Variants in TRAPPC2L observed in about 807,000 individuals in gnomAD.
TRAPPC2L encodes the protein trafficking protein particle complex subunit 2L, also known as trafficking protein particle complex subunit 2-like protein.
TRAPPC2L carries 17 observed loss-of-function variants against 13.2 expected under a neutral mutation model. The observed-to-expected ratio is 1.29, with a 90% confidence interval of 0.88 to 1.93. The LOEUF (loss-of-function observed/expected upper bound fraction) is 1.93. Among genes scored for constraint, TRAPPC2L ranks in the 30% most tolerant of loss-of-function variants. The pLI is 0.00. For synonymous variants in TRAPPC2L, 150 were observed against 98.1 expected (o/e 1.53, Z -3.12); for missense variants, 359 against 252.1 (o/e 1.42, Z -2.87).
chr16:88,857,239 T>C (rs749889298), intron 1 of TRAPPC2L, 56 bp downstream of exon 1: 2 of 1,412,262 alleles, frequency 1.4e-6, no homozygotes, highest in Non-Finnish European at 1.9e-6. Flanking sequence ...CTCTCCGCTT[T>C]CTTTCTACTT....
chr16:88,860,691 C>T, exon 4 of TRAPPC2L: 3 of 613,422 alleles, frequency 4.9e-6, no homozygotes, highest in Non-Finnish European at 5.8e-6. Context: ...CCACCCCTTC[C>T]TGGGGCCTTG....
In TRAPPC2L at chr16:88,860,388, A is replaced by C. The variant is rs1041951726; in HGVS notation, c.*64A>C. The C allele has an allele frequency of 1.6e-5, 10 of 620,378 alleles. No individual in the cohort carries two copies. The African/African-American group carries it at 1.8e-4, about 11-fold the overall frequency. 38.4% of individuals were successfully genotyped at this position (620,378 alleles called of 1,614,324 possible). A position where few individuals can be genotyped will look rare whatever the true frequency, so the allele number is the denominator to read the frequency against. ...TGCAGGTGTCTTCCGAATAGTCCAC[A>C]AAGTAAACAGATTTAACTTTTGAAC... On this transcript the variant is annotated 3_prime_UTR_variant, in exon 4 of 4. Transcript: ENST00000565504.
At chr16:88,857,133 G>A (rs1435008398) in exon 1 of TRAPPC2L, 1 of 1,565,120 alleles carries the variant, frequency 6.4e-7, no homozygotes, top group Non-Finnish European at 8.6e-7. Context: ...CGCGGTGCCT[G>A]GCGCCGAGCC....
upstream of TRAPPC2L, chr16:88,856,785 G>C: frequency 1.3e-6 from 2 of 1,539,100 alleles, no homozygotes; most frequent in Non-Finnish European, 1.7e-6. Context: ...GCAGGATGTT[G>C]GGGGGCTGCG....
upstream of TRAPPC2L, chr16:88,856,312 G>C: frequency 1.4e-6 from 1 of 702,778 alleles, no homozygotes; most frequent in Non-Finnish European, 2.6e-6. Context: ...CTAGGGCGAC[G>C]CAGCTCTCAG....
rs748345832 is a variant in TRAPPC2L, at chr16:88,857,131, C to T, written c.-20C>T. The T allele has an allele frequency of 1.1e-5, 17 of 1,562,430 alleles. No individual in the cohort carries two copies. The South Asian group carries it at 1.4e-4, about 13-fold the overall frequency. The stretch of plus-strand genomic sequence containing the variant: ...AGCGGCGGGTCACGTGACGCGGTGC[C>T]TGGCGCCGAGCCTCCCAAGATGGCG... On this transcript the variant is annotated 5_prime_UTR_variant, in exon 1 of 4. Coordinates refer to ENST00000565504, the Ensembl canonical transcript of TRAPPC2L.
intron 1 of TRAPPC2L, among the ~76,000 whole-genome samples, chr16:88,857,722 C>T (rs1390211290): frequency 2.0e-5 from 3 of 152,266 alleles, no homozygotes; most frequent in Admixed American, 6.5e-5. Context: ...TTCTGCAGCT[C>T]CCTGGACATG....
chr16:88,856,825 C>G (rs763093375), upstream of TRAPPC2L: 6 of 1,529,596 alleles, frequency 3.9e-6, no homozygotes, highest in Non-Finnish European at 5.2e-6. Flanking sequence ...CCCCGCGGCG[C>G]TGAGCACCAG....
chr16:88,857,907 C>G (rs1047972819), intron 1 of TRAPPC2L, among the ~76,000 whole-genome samples: 1 of 152,238 alleles, frequency 6.6e-6, no homozygotes, highest in Non-Finnish European at 1.5e-5. Context: ...GCCAGGGTCT[C>G]CCGAGACCAG....
At chr16:88,856,355 T>A, upstream of TRAPPC2L, 7 of 701,980 alleles carry the variant, frequency 1.0e-5, no homozygotes, top group Non-Finnish European at 1.8e-5. Context: ...TTCCTCCCTT[T>A]GGGGAGGCCA....
At chr16:88,861,835 G>GCTTCT in exon 4 of TRAPPC2L, 8 of 355,994 alleles carry the variant, frequency 2.2e-5, no homozygotes, top group Non-Finnish European at 3.4e-5. Flanking sequence ...GGCTGTAAGG[G>GCTTCT]GGGGTCAGCC....
intron 2 of TRAPPC2L, 44 bp downstream of exon 2, chr16:88,858,835 G>A (rs771247917): frequency 6.3e-7 from 1 of 1,576,098 alleles, no homozygotes; most frequent in East Asian, 2.3e-5. Flanking sequence ...ACCTACAGTT[G>A]CAAGATGTAC....
chr16:88,858,523 C>G (rs776236076), intron 1 of TRAPPC2L, 96 bp from the exon 2 acceptor site: 54 of 1,373,790 alleles, frequency 3.9e-5, no homozygotes, highest in Non-Finnish European at 5.3e-5. Flanking sequence ...ATGCGTTCCC[C>G]GGGTGGCTGC....
exon 4 of TRAPPC2L, chr16:88,860,370 G>A (rs773318690): frequency 2.5e-4 from 162 of 648,256 alleles, no homozygotes; most frequent in African/African-American, 1.5e-3. Flanking sequence ...GTTTGCAGGT[G>A]TCTTCCGAAT....
At chr16:88,858,703 G>T (rs1057194618) in exon 2 of TRAPPC2L, 1 of 1,613,658 alleles carries the variant, frequency 6.2e-7, no homozygotes. Flanking sequence ...GGACGTGGTG[G>T]ATGAGAAGAT....
chr16:88,862,561 T>G (rs1459803805), exon 4 of TRAPPC2L: 1 of 152,228 alleles, frequency 6.6e-6, no homozygotes, highest in Non-Finnish European at 1.5e-5. Context: ...ACCCTGGGCC[T>G]TTGCTGACGC....
chr16:88,858,599 G>A lies in TRAPPC2L; in HGVS notation c.34-20G>A, dbSNP rs1227466287. Reference sequence around the variant, plus strand: ...TGGGTGGAGTCTTGTCCTTTCAGTCGCCGTCATCCTTTCTTGCAGAATTAC... The same window carrying A: ...TGGGTGGAGTCTTGTCCTTTCAGTCACCGTCATCCTTTCTTGCAGAATTAC... On this transcript the variant is annotated intron_variant, in intron 1 of 3. Coordinates refer to ENST00000565504, the Ensembl canonical transcript of TRAPPC2L. 20 of 1,608,772 alleles carry A rather than the reference G, an allele frequency of 1.2e-5. No individual in the cohort carries two copies. The highest frequency in any genetic ancestry group is 1.6e-4 in the Middle Eastern group (1 of 6,062).
chr16:88,859,237 A>C (rs1968204291), intron 2 of TRAPPC2L: 2 of 531,342 alleles, frequency 3.8e-6, no homozygotes, highest in Admixed American at 4.5e-5. Flanking sequence ...CCCAAAAGTC[A>C]TCATGTAGCC....
At chr16:88,856,609 C>T, upstream of TRAPPC2L, 1 of 561,260 alleles carries the variant, frequency 1.8e-6, no homozygotes, top group Non-Finnish European at 3.3e-6. Context: ...CTCCTCCTCC[C>T]CGCGCGGGGC....
Sources: allele counts gnomAD v4.1 joint callset (sites outside exome capture counted in the v4.1 genomes callset), GRCh38; gene constraint gnomAD v4.1.1; transcripts MANE v1.5; gene names NCBI Gene and HGNC (gene_info 2026-07-23, HGNC 2026-07-21).